ARSF: variants seen among roughly 807,000 people sequenced by gnomAD.
ARSF encodes the protein arylsulfatase F.
A neutral mutation model predicts 35.4 loss-of-function variants in ARSF; 33 were observed. That is an observed-to-expected ratio of 0.93 (90% confidence interval 0.71 to 1.25). The LOEUF (loss-of-function observed/expected upper bound fraction) is 1.25. Ranked by LOEUF, ARSF falls within the 50% of genes most tolerant of loss-of-function variation. ARSF has a pLI of 0.00. For synonymous variants in ARSF, 222 were observed against 193.1 expected (o/e 1.15, Z -1.24); for missense variants, 501 against 480.2 (o/e 1.04, Z -0.40).
chrX:3,041,702 T>C (rs1355145419), intron 1 of ARSF, 39 bp downstream of exon 1: 1 of 112,222 alleles, frequency 8.9e-6, no homozygotes, highest in Non-Finnish European at 1.9e-5. Context: ...AGTTCTGAAG[T>C]AAAAGCTATA....
chrX:3,040,856 G>A (rs1399822694), upstream of ARSF, among the ~76,000 whole-genome samples: 3 of 111,166 alleles, frequency 2.7e-5, no homozygotes, highest in African/African-American at 9.8e-5. Flanking sequence ...CACGTGAAAG[G>A]GTAGAAAGAC....
chrX:3,084,360 C>T lies in ARSF; in HGVS notation c.524C>T (p.Pro175Leu), dbSNP rs190364026. The T allele has an allele frequency of 2.0e-5, 24 of 1,209,706 alleles. No individual in the cohort carries two copies. The highest frequency in any genetic ancestry group is 8.8e-5 in the Admixed American group (4 of 45,609). ...TTCACTCTCGTTGACAGCTGCTGGC[C>T]GGACCCCTCTCGTAACACGGAATTA... ...MPFTLVDSCWPDPSRNTELAF... is the reference protein window; with the variant it reads ...MPFTLVDSCWLDPSRNTELAF... Residue 175 changes from proline (P) to leucine (L), a missense_variant, in exon 6 of 11, where the codon CCG becomes CTG. Coordinates refer to ENST00000381127, the MANE Select transcript of ARSF (RefSeq NM_001201539.2).
intron 2 of ARSF, 82 bp from the exon 3 acceptor site, chrX:3,071,944 C>T: frequency 2.9e-6 from 3 of 1,016,996 alleles, no homozygotes; most frequent in Non-Finnish European, 4.1e-6. Context: ...CTCCAAAGAC[C>T]CCTGTTGTGT....
rs192532562 is a variant in ARSF, at chrX:3,072,742, T to C, written c.161+567T>C. ...GAAGCATGATGATTGTATGTACATG[T>C]ACATATACAGATATGAACATATAAA... On this transcript the variant is annotated intron_variant, in intron 3 of 10. Coordinates refer to ENST00000381127, the MANE Select transcript of ARSF (RefSeq NM_001201539.2). Among the ~76,000 whole-genome samples the C allele has an allele frequency of 9.1e-4, 100 of 109,465 alleles. 1 individual carries two copies. In the South Asian group the frequency reaches 0.018, roughly 20 times the overall value.
intron 9 of ARSF, among the ~76,000 whole-genome samples, chrX:3,107,519 A>G (rs1603465159): frequency 8.9e-6 from 1 of 111,796 alleles, no homozygotes; most frequent in Admixed American, 9.5e-5. Context: ...TGCGAATTCA[A>G]TCAACTGCAG....
intron 1 of ARSF, among the ~76,000 whole-genome samples, chrX:3,066,338 T>C (rs1348053113): frequency 1.8e-5 from 2 of 111,560 alleles, no homozygotes; most frequent in East Asian, 5.6e-4. Context: ...TTCCAAATTA[T>C]ACCCCACACT....
At chrX:3,111,964 C>T (rs5983014) in intron 10 of ARSF, among the ~76,000 whole-genome samples, 12,762 of 110,602 alleles carry the variant, frequency 0.12, 744 homozygotes, top group African/African-American at 0.22. Context: ...ATAATGCCAA[C>T]GATAGGGAAT....
Position 3,112,428 on chromosome X carries a change from A to G in ARSF, c.1645A>G (p.Thr549Ala), listed in dbSNP as rs1569150810. Residue 549 changes from threonine to alanine, a missense_variant, in exon 11 of 11, where the codon ACC (threonine) becomes GCC (alanine). By Grantham distance (58) the Thr-to-Ala change is moderately conservative (BLOSUM62 0). Coordinates refer to ENST00000381127, the MANE Select transcript of ARSF (RefSeq NM_001201539.2). ...KEHQETIVPV[T>A]YQLSELNQGR... ...ACACCAGGAAACCATCGTGCCTGTGACCTACCAACTCTCAGAACTGAATCA... is the reference window on the plus strand; with the variant it reads ...ACACCAGGAAACCATCGTGCCTGTGGCCTACCAACTCTCAGAACTGAATCA... 1 of 1,211,603 alleles carries G rather than the reference A, an allele frequency of 8.3e-7. No homozygotes were observed. Among genetic ancestry groups the G allele is most frequent in the Non-Finnish European group, 1.1e-6 (1 of 895,528 alleles).
intron 1 of ARSF, chrX:3,058,640 G>A: frequency 6.1e-6 from 2 of 325,375 alleles, no homozygotes; most frequent in East Asian, 1.0e-4. Context: ...ATTCTTTGAG[G>A]CCAGGAGTTC....
intron 1 of ARSF, among the ~76,000 whole-genome samples, chrX:3,044,650 C>T (rs925143615): frequency 9.9e-5 from 11 of 110,570 alleles, no homozygotes; most frequent in East Asian, 2.9e-4. Flanking sequence ...AAAACCACAC[C>T]GTCTGAAGTT....
chrX:3,048,649 T>C (rs778033573), intron 1 of ARSF, among the ~76,000 whole-genome samples: 1 of 112,283 alleles, frequency 8.9e-6, no homozygotes, highest in Non-Finnish European at 1.9e-5. Context: ...CCCTAAAATA[T>C]ATAAAAGCAA....
intron 1 of ARSF, among the ~76,000 whole-genome samples, chrX:3,050,063 T>A (rs2089990699): frequency 1.8e-5 from 2 of 109,840 alleles, no homozygotes; most frequent in Non-Finnish European, 3.8e-5. Context: ...AGTTTCACAA[T>A]GTTGGGCAGG....
chrX:3,077,516 G>C (rs181355933), intron 4 of ARSF, among the ~76,000 whole-genome samples: 1 of 109,008 alleles, frequency 9.2e-6, no homozygotes, highest in African/African-American at 3.3e-5. Flanking sequence ...GCATGCACCT[G>C]TAGTCCCAGC....
rs374912564 is a variant in ARSF, at chrX:3,084,667, G to A, written c.830+1G>A. ...AGGAAGCGATTTCCTTTTTAGAAAG[G>A]TAAGCGGAATAATTACAAATTCATG... is the stretch of plus-strand genomic sequence containing the variant. On this transcript the variant is annotated splice_donor_variant, in intron 6 of 10. Transcript: ENST00000381127. LOFTEE classifies it high-confidence loss of function. 2.5e-5 allele frequency: 29 copies of A among 1,153,026 alleles called. No individual in the cohort carries two copies. The East Asian group carries it at 8.7e-4, about 35-fold the overall frequency.
chrX:3,091,387 TG>T (rs1214506173), intron 7 of ARSF, among the ~76,000 whole-genome samples: 16 of 112,470 alleles, frequency 1.4e-4, no homozygotes, highest in African/African-American at 5.2e-4. Flanking sequence ...ACAATGTAAA[TG>T]GGACGTCCTA....
At chrX:3,088,033 C>T (rs2090260964) in intron 6 of ARSF, among the ~76,000 whole-genome samples, 1 of 111,610 alleles carries the variant, frequency 9.0e-6, no homozygotes, top group East Asian at 2.8e-4. Flanking sequence ...GCAGAAATTT[C>T]CCAACGAATG....
intron 1 of ARSF, among the ~76,000 whole-genome samples, chrX:3,053,549 C>T (rs1398255080): frequency 1.8e-5 from 2 of 109,235 alleles, no homozygotes; most frequent in African/African-American, 6.7e-5. Context: ...AAGCTATTAC[C>T]CTGCAGCATC....
chrX:3,077,360 C>T (rs996419007), intron 4 of ARSF, among the ~76,000 whole-genome samples: 10 of 111,777 alleles, frequency 8.9e-5, no homozygotes, highest in African/African-American at 3.2e-4. Flanking sequence ...AAGTCATGGC[C>T]GGGCATGGTG....
chrX:3,073,498 C>T (rs1460557414), intron 3 of ARSF, among the ~76,000 whole-genome samples: 2 of 88,505 alleles, frequency 2.3e-5, no homozygotes. Flanking sequence ...ACTGGATGTG[C>T]TGATTACCCT....
Sources: gnomAD v4.1 joint callset for allele counts (sites outside exome capture counted in the v4.1 genomes callset) on GRCh38, gnomAD v4.1.1 for gene constraint, MANE v1.5 for transcripts, NCBI Gene and HGNC (gene_info 2026-07-23, HGNC 2026-07-21) for gene names.